The following DLG2 variants were observed in gnomAD, a reference collection of about 807,000 sequenced individuals.
DLG2 encodes disks large homolog 2.
DLG2 carries 45 observed loss-of-function variants against 132.5 expected under a neutral mutation model. That is an observed-to-expected ratio of 0.34 (90% CI 0.27 to 0.44). The LOEUF is 0.44. Ranked by LOEUF, DLG2 falls within the 20% of genes least tolerant of loss-of-function variation. The pLI is 1.00. For missense variants in DLG2, 1,045 were observed against 1,196.9 expected (o/e 0.87, Z 1.87); for synonymous variants, 424 against 419.6 (o/e 1.01, Z -0.13).
chr11:84,344,491 A>G (rs2098530376), intron 7 of DLG2, among the ~76,000 whole-genome samples: 1 of 152,206 alleles, frequency 6.6e-6, no homozygotes, highest in Non-Finnish European at 1.5e-5. Flanking sequence ...GAGAAAGTAG[A>G]ACCAACTCAG....
chr11:84,673,852 G>A (rs1057464221), intron 6 of DLG2, among the ~76,000 whole-genome samples: 1 of 151,900 alleles, frequency 6.6e-6, no homozygotes, highest in Non-Finnish European at 1.5e-5. Context: ...TCAAAGTCAT[G>A]CTACCTGCAA....
chr11:84,657,834 G>A (rs576807148), intron 6 of DLG2, among the ~76,000 whole-genome samples: 21 of 152,272 alleles, frequency 1.4e-4, no homozygotes, highest in African/African-American at 5.1e-4. Flanking sequence ...ATTTAATATA[G>A]TTGTTTATTG....
chr11:83,646,542 C>T (rs1402062437), intron 18 of DLG2: 1 of 152,370 alleles, frequency 6.6e-6, no homozygotes, highest in African/African-American at 2.4e-5. Flanking sequence ...ACACTGCTCA[C>T]CACTGTACTT....
At chr11:84,548,035 A>G (rs1416737832) in intron 6 of DLG2, among the ~76,000 whole-genome samples, 1 of 152,200 alleles carries the variant, frequency 6.6e-6, no homozygotes, top group African/African-American at 2.4e-5. Flanking sequence ...TAGCACAGGT[A>G]ATAAAGTGAG....
chr11:85,530,421 A>T (rs1009825060), intron 3 of DLG2, among the ~76,000 whole-genome samples: 2 of 151,854 alleles, frequency 1.3e-5, no homozygotes, highest in Middle Eastern at 3.4e-3. Flanking sequence ...CCCAGGTTCA[A>T]GCGATTCTCC....
At chr11:84,042,026 G>A (rs188007216) in intron 11 of DLG2, among the ~76,000 whole-genome samples, 1 of 152,014 alleles carries the variant, frequency 6.6e-6, no homozygotes, top group Non-Finnish European at 1.5e-5. Flanking sequence ...CCAGCCACGT[G>A]AAACTGTAAG....
chr11:84,836,597 T>G (rs1181776733), intron 6 of DLG2, among the ~76,000 whole-genome samples: 2 of 151,830 alleles, frequency 1.3e-5, no homozygotes, highest in Non-Finnish European at 2.9e-5. Flanking sequence ...GGGATTATCT[T>G]TAACAAGGGT....
At chr11:84,877,866 A>G (rs747662320) in intron 6 of DLG2, among the ~76,000 whole-genome samples, 1 of 152,206 alleles carries the variant, frequency 6.6e-6, no homozygotes, top group South Asian at 2.1e-4. Context: ...AAACAAATTT[A>G]CAAGAAAAAA....
intron 3 of DLG2, among the ~76,000 whole-genome samples, chr11:85,551,848 T>C (rs1345147082): frequency 6.6e-6 from 1 of 151,750 alleles, no homozygotes; most frequent in African/African-American, 2.4e-5. Flanking sequence ...ACTAAGTACA[T>C]ATCAAAACTA....
intron 3 of DLG2, among the ~76,000 whole-genome samples, chr11:85,408,513 A>G (rs2088990889): frequency 6.7e-6 from 1 of 150,018 alleles, no homozygotes; most frequent in South Asian, 2.1e-4. Flanking sequence ...GTCATCTAGC[A>G]TTAGGTATAT....
intron 3 of DLG2, among the ~76,000 whole-genome samples, chr11:85,497,571 CA>C (rs2093696035): frequency 6.6e-6 from 1 of 152,064 alleles, no homozygotes; most frequent in South Asian, 2.1e-4. Context: ...TCAGGAAATA[CA>C]GAGAACACCA....
intron 6 of DLG2, among the ~76,000 whole-genome samples, chr11:85,082,113 A>G (rs527734731): frequency 1.1e-4 from 17 of 152,310 alleles, no homozygotes; most frequent in African/African-American, 3.6e-4. Flanking sequence ...CCAGATATAC[A>G]TGCCAAAAAA....
intron 18 of DLG2, among the ~76,000 whole-genome samples, chr11:83,646,127 A>G (rs1390792101): frequency 2.0e-5 from 3 of 152,164 alleles, no homozygotes; most frequent in Admixed American, 2.0e-4. Flanking sequence ...TCAGTGGAGA[A>G]CTATAGCAGA....
chr11:84,162,139 T>C (rs2095559790), intron 9 of DLG2, among the ~76,000 whole-genome samples: 1 of 152,258 alleles, frequency 6.6e-6, no homozygotes, highest in Admixed American at 6.5e-5. Context: ...TTAGTGAAAA[T>C]ATTTACATTT....
At chr11:84,178,323 C>T (rs1188441835) in intron 8 of DLG2, among the ~76,000 whole-genome samples, 1 of 152,048 alleles carries the variant, frequency 6.6e-6, no homozygotes, top group Admixed American at 6.6e-5. Context: ...TCTACAGTAG[C>T]CAGAAATTTA....
At chr11:85,218,762 A>G (rs183339406) in intron 4 of DLG2, among the ~76,000 whole-genome samples, 251 of 152,248 alleles carry the variant, frequency 1.6e-3, no homozygotes, top group African/African-American at 5.8e-3. Flanking sequence ...AGACACATGA[A>G]CTCATATGTT....
At chr11:84,126,369 A>G (rs2094172986) in intron 9 of DLG2, among the ~76,000 whole-genome samples, 1 of 152,226 alleles carries the variant, frequency 6.6e-6, no homozygotes, top group Non-Finnish European at 1.5e-5. Flanking sequence ...GTAGAAAAAA[A>G]TGCAGAGACA....
chr11:84,236,868 C>T (rs1370677209), intron 8 of DLG2, among the ~76,000 whole-genome samples: 1 of 151,678 alleles, frequency 6.6e-6, no homozygotes, highest in Non-Finnish European at 1.5e-5. Context: ...TTCTTATACC[C>T]AGACTCAGAC....
chr11:84,387,527 A>G (rs915072237), intron 7 of DLG2, among the ~76,000 whole-genome samples: 2 of 152,164 alleles, frequency 1.3e-5, no homozygotes, highest in Non-Finnish European at 1.5e-5. Flanking sequence ...TCTTTAATAT[A>G]GAAACATGTC....
Sources: gnomAD v4.1 joint callset for allele counts (sites outside exome capture counted in the v4.1 genomes callset) on GRCh38, gnomAD v4.1.1 for gene constraint, MANE v1.5 for transcripts, NCBI Gene and HGNC (gene_info 2026-07-23, HGNC 2026-07-21) for gene names.